The following ABTB3 variants were observed in gnomAD, a reference collection of about 807,000 sequenced individuals.
The protein encoded by ABTB3 is ankyrin repeat and BTB domain containing 3, also known as ankyrin repeat- and BTB/POZ domain-containing protein 3.
chr12:107,440,348 A>T, the ABTB3 span, among the ~76,000 whole-genome samples: 1 of 152,222 alleles, frequency 6.6e-6, no homozygotes, highest in East Asian at 1.9e-4. Flanking sequence ...CCGACTTCCC[A>T]GGGCATCTGC....
the ABTB3 span, chr12:107,617,770 A>G: frequency 2.8e-6 from 1 of 363,490 alleles, no homozygotes; most frequent in South Asian, 5.5e-5. Flanking sequence ...AAAACCTTTC[A>G]TATTTGGTGA....
the ABTB3 span, among the ~76,000 whole-genome samples, chr12:107,424,164 A>G: frequency 3.3e-5 from 5 of 152,218 alleles, no homozygotes; most frequent in Admixed American, 1.3e-4. Flanking sequence ...ATAAAAAACC[A>G]GTTCAGATTC....
chr12:107,348,217 A>G, the ABTB3 span, among the ~76,000 whole-genome samples: 1 of 152,108 alleles, frequency 6.6e-6, no homozygotes, highest in Non-Finnish European at 1.5e-5. Context: ...ATGCATATGT[A>G]TGTATTTACA....
the ABTB3 span, among the ~76,000 whole-genome samples, chr12:107,397,035 A>C: frequency 1.3e-5 from 2 of 152,338 alleles, no homozygotes; most frequent in South Asian, 4.1e-4. Flanking sequence ...TTTGATCACT[A>C]CGTGCGCTTG....
At chr12:107,612,880 A>G in the ABTB3 span, 1 of 1,612,194 alleles carries the variant, frequency 6.2e-7, no homozygotes, top group African/African-American at 1.3e-5. Context: ...GTGAGGGTGC[A>G]GAGGCCAGCA....
At chr12:107,420,424 C>A in the ABTB3 span, among the ~76,000 whole-genome samples, 8 of 152,306 alleles carry the variant, frequency 5.3e-5, no homozygotes, top group South Asian at 1.2e-3. Context: ...GCATGTCTTA[C>A]ATGGCAGCAG....
At chr12:107,363,534 G>A in the ABTB3 span, among the ~76,000 whole-genome samples, 1 of 152,212 alleles carries the variant, frequency 6.6e-6, no homozygotes, top group African/African-American at 2.4e-5. Flanking sequence ...GCCCTTTAGG[G>A]TGTAAACTAA....
chr12:107,468,267 G>A, the ABTB3 span, among the ~76,000 whole-genome samples: 2 of 152,174 alleles, frequency 1.3e-5, no homozygotes, highest in Non-Finnish European at 2.9e-5. Context: ...GGAGCCAGCC[G>A]GCTGGGGTGT....
chr12:107,576,719 T>G, the ABTB3 span, among the ~76,000 whole-genome samples: 1 of 152,220 alleles, frequency 6.6e-6, no homozygotes, highest in East Asian at 1.9e-4. Flanking sequence ...GATGAATTCC[T>G]GAGCCCATGG....
chr12:107,329,940 G>A, the ABTB3 span, among the ~76,000 whole-genome samples: 15,542 of 152,236 alleles, frequency 0.1, 953 homozygotes, highest in East Asian at 0.22. Flanking sequence ...ACAAAGGAGA[G>A]ACATACAGGC....
At chr12:107,426,804 C>G in the ABTB3 span, among the ~76,000 whole-genome samples, 4 of 152,154 alleles carry the variant, frequency 2.6e-5, no homozygotes, top group African/African-American at 7.2e-5. Context: ...CCCCTCCTCT[C>G]CCACCTCTGC....
At chr12:107,649,198 T>C in the ABTB3 span, 1 of 1,610,270 alleles carries the variant, frequency 6.2e-7, no homozygotes, top group African/African-American at 1.3e-5. Context: ...CTCTGTGTTT[T>C]CTTCCAGCTG....
chr12:107,387,007 C>T, the ABTB3 span, among the ~76,000 whole-genome samples: 311 of 145,446 alleles, frequency 2.1e-3, 2 homozygotes, highest in African/African-American at 6.8e-3. Flanking sequence ...GACAGAGTTT[C>T]GCTCTTATTG....
At chr12:107,449,048 A>G in the ABTB3 span, among the ~76,000 whole-genome samples, 367 of 152,358 alleles carry the variant, frequency 2.4e-3, 3 homozygotes, top group African/African-American at 6.8e-3. Context: ...GGCTGGAGCC[A>G]GGTGCCTGGG....
At chr12:107,617,988 A>G in the ABTB3 span, among the ~76,000 whole-genome samples, 321 of 152,144 alleles carry the variant, frequency 2.1e-3, no homozygotes, top group Non-Finnish European at 3.9e-3. Flanking sequence ...CATCTCCTCC[A>G]TCCCCAAAAT....
At chr12:107,489,967 CT>C in the ABTB3 span, among the ~76,000 whole-genome samples, 1 of 152,046 alleles carries the variant, frequency 6.6e-6, no homozygotes, top group Admixed American at 6.5e-5. Flanking sequence ...TGTTACAAGA[CT>C]CCTTTACATA....
chr12:107,540,598 T>C, the ABTB3 span, among the ~76,000 whole-genome samples: 1 of 152,206 alleles, frequency 6.6e-6, no homozygotes, highest in African/African-American at 2.4e-5. Flanking sequence ...CTGAGCTCAG[T>C]GGATCGTAGT....
the ABTB3 span, among the ~76,000 whole-genome samples, chr12:107,501,915 G>A: frequency 6.6e-6 from 1 of 152,124 alleles, no homozygotes; most frequent in Non-Finnish European, 1.5e-5. Context: ...GGGAAGCGAT[G>A]GGGCAGAAAC....
the ABTB3 span, among the ~76,000 whole-genome samples, chr12:107,582,300 A>G: frequency 6.6e-6 from 1 of 152,228 alleles, no homozygotes; most frequent in Admixed American, 6.5e-5. Context: ...CAAACAGTGT[A>G]AAGTAGGTAC....
Sources: allele counts gnomAD v4.1 joint callset (sites outside exome capture counted in the v4.1 genomes callset), GRCh38; gene constraint gnomAD v4.1.1; transcripts MANE v1.5; gene names NCBI Gene and HGNC (gene_info 2026-07-23, HGNC 2026-07-21).